The following LANCL1 variants were observed in gnomAD, a reference collection of about 807,000 sequenced individuals.
The protein encoded by LANCL1 is LanC like glutathione S-transferase 1.
Under a neutral mutation model 50.6 loss-of-function variants are expected in LANCL1, and 50 were observed. The ratio of observed to expected loss-of-function variants is 0.99; its 90% confidence interval spans 0.79 to 1.25. LANCL1 has a LOEUF of 1.25. Ranked by LOEUF, LANCL1 falls within the 50% of genes most tolerant of loss-of-function variation. LANCL1 has a pLI of 0.00. For missense variants in LANCL1, 532 were observed against 480.7 expected (o/e 1.11, Z -1.00); for synonymous variants, 188 against 178.6 (o/e 1.05, Z -0.42).
rs1243572490 is a variant in LANCL1 at position 210,471,995 on chromosome 2, C to T, written c.163G>A (p.Asp55Asn). ...QQMERGLKSADPRDGTGYTGW... is the reference protein window; with the variant it reads ...QQMERGLKSANPRDGTGYTGW... The stretch of plus-strand genomic sequence containing the variant: ...GTGTAACCGGTGCCATCCCGAGGGT[C>T]TGCTGATTTCAGGCCTCTCTCCATT... Residue 55 changes from aspartate (D) to asparagine (N), a missense_variant, in exon 3 of 10, where the codon GAC (aspartate) becomes AAC (asparagine). Physicochemically the swap from Asp to Asn is conservative, Grantham distance 23. Transcript: ENST00000450366. 2.5e-6 allele frequency: 4 copies of T among 1,614,024 alleles called. No homozygotes were observed. In the South Asian group the frequency reaches 3.3e-5, roughly 13 times the overall value.
At chr2:210,464,177 C>T (rs1283065744) in intron 3 of LANCL1, among the ~76,000 whole-genome samples, 1 of 152,166 alleles carries the variant, frequency 6.6e-6, no homozygotes, top group Non-Finnish European at 1.5e-5. Flanking sequence ...TATTCTAAAT[C>T]CTAATCTTAT....
At chr2:210,474,352 T>G (rs147054771) in intron 2 of LANCL1, among the ~76,000 whole-genome samples, 274 of 152,240 alleles carry the variant, frequency 1.8e-3, no homozygotes, top group Middle Eastern at 3.4e-3. Flanking sequence ...AAAAACTACG[T>G]TAGGCAATAA....
rs774812072 is a variant in LANCL1 at position 210,433,258 on chromosome 2, CTT to C, written c.*1227_*1228del. 1 of 152,378 alleles carries C rather than the reference CTT, an allele frequency of 6.6e-6. No individual in the cohort carries two copies. Among genetic ancestry groups the C allele is most frequent in the African/African-American group, 2.4e-5 (1 of 41,424 alleles). The allele number at this position is 152,378 out of a possible 1,614,324, so 9.4% of individuals were successfully genotyped here. The stretch of plus-strand genomic sequence containing the variant: ...AACAGAATTTGAAGCACCAGAGAGT[CTT>C]TATCTACTACGGAAAACCTGATTCT... On this transcript the variant is annotated 3_prime_UTR_variant, in exon 10 of 10. Transcript: ENST00000450366.
intron 4 of LANCL1, among the ~76,000 whole-genome samples, chr2:210,452,185 T>A (rs1693530091): frequency 6.6e-6 from 1 of 151,940 alleles, no homozygotes; most frequent in African/African-American, 2.4e-5. Flanking sequence ...TTTTATGTTA[T>A]GTATATTTTA....
chr2:210,474,853 G>T (rs1694313741), intron 2 of LANCL1, among the ~76,000 whole-genome samples: 1 of 152,138 alleles, frequency 6.6e-6, no homozygotes, highest in African/African-American at 2.4e-5. Context: ...ATCCTCAACT[G>T]TTCTCTTTGC....
intron 9 of LANCL1, 72 bp downstream of exon 9, chr2:210,435,315 A>G (rs560298503): frequency 8.1e-7 from 1 of 1,233,898 alleles, no homozygotes; most frequent in East Asian, 2.3e-5. Flanking sequence ...GCTAAAACTT[A>G]AATACATTAA....
At chr2:210,437,616 T>A (rs1692977386) in intron 7 of LANCL1, 74 bp downstream of exon 7, 3 of 857,380 alleles carry the variant, frequency 3.5e-6, no homozygotes, top group South Asian at 6.0e-5. Context: ...CCTTTATGGA[T>A]TAGGATAAAA....
intron 4 of LANCL1, among the ~76,000 whole-genome samples, chr2:210,441,732 T>C (rs892158274): frequency 6.6e-6 from 1 of 152,086 alleles, no homozygotes. Flanking sequence ...AGGTGAGTAT[T>C]TTAGCAGTTG....
At chr2:210,469,468 T>C (rs1031961053) in intron 3 of LANCL1, among the ~76,000 whole-genome samples, 4 of 152,198 alleles carry the variant, frequency 2.6e-5, no homozygotes, top group Admixed American at 2.0e-4. Context: ...TTAGGAGACA[T>C]TAGGAACCTT....
intron 2 of LANCL1, among the ~76,000 whole-genome samples, chr2:210,473,513 T>C (rs1694278932): frequency 6.6e-6 from 1 of 152,190 alleles, no homozygotes; most frequent in Non-Finnish European, 1.5e-5. Flanking sequence ...GGGGGAAAGT[T>C]ACAAGGGTAT....
rs200204444 is a variant in LANCL1, at chr2:210,459,572, C to T, written c.200-4258G>A. Reference sequence around the variant, plus strand: ...ATAGCCACATGTGGCTAGTGGCTGTCGCGATGGAAATAACAACATTTCCAT... The same window carrying T: ...ATAGCCACATGTGGCTAGTGGCTGTTGCGATGGAAATAACAACATTTCCAT... On this transcript the variant is annotated intron_variant, in intron 3 of 9. Transcript: ENST00000450366. Among the ~76,000 whole-genome samples, 36 of 152,110 alleles carry T rather than the reference C, an allele frequency of 2.4e-4. 1 individual carries two copies. The East Asian group carries it at 7.0e-3, about 29-fold the overall frequency.
chr2:210,476,442 G>C, intron 1 of LANCL1, 30 bp from the exon 2 acceptor site: 1 of 1,596,494 alleles, frequency 6.3e-7, no homozygotes, highest in South Asian at 1.1e-5. Context: ...CAGAAACTAG[G>C]TTGAGATAGG....
At chr2:210,448,628 G>A (rs1039654709) in intron 4 of LANCL1, among the ~76,000 whole-genome samples, 4 of 152,150 alleles carry the variant, frequency 2.6e-5, no homozygotes, top group African/African-American at 4.8e-5. Context: ...AAGAAGAAAA[G>A]AGAGAAGAAT....
rs1276148692 is a variant in LANCL1, at chr2:210,441,236, AAAC to A, written c.543+69_543+71del. On this transcript the variant is annotated intron_variant, in intron 5 of 9. Coordinates refer to ENST00000450366, the MANE Select transcript of LANCL1 (RefSeq NM_006055.3). ...TGGAATGTGCTAACTACAGAGACAT[AAAC>A]AATAGTTTAGGCAGATAGTAAGTAA... The A allele has an allele frequency of 8.2e-6, 12 of 1,471,402 alleles. No homozygotes were observed. The African/African-American group carries it at 1.1e-4, about 14-fold the overall frequency. The allele number at this position is 1,471,402 out of a possible 1,614,324, so 91.1% of individuals were successfully genotyped here.
At chr2:210,437,250 T>G (rs1333554874) in intron 7 of LANCL1, among the ~76,000 whole-genome samples, 2 of 152,236 alleles carry the variant, frequency 1.3e-5, no homozygotes, top group Non-Finnish European at 1.5e-5. Flanking sequence ...TTGTAATATG[T>G]ATCAGAAAGT....
chr2:210,475,359 G>A, intron 2 of LANCL1, among the ~76,000 whole-genome samples: 1 of 152,040 alleles, frequency 6.6e-6, no homozygotes. Context: ...TTTAGAGACA[G>A]GGTCTCTGTC....
chr2:210,461,944 G>T (rs993501322), intron 3 of LANCL1, among the ~76,000 whole-genome samples: 1 of 152,172 alleles, frequency 6.6e-6, no homozygotes, highest in African/African-American at 2.4e-5. Context: ...TTGATTAAAT[G>T]TTTATTTCTA....
At chr2:210,455,005 G>T in intron 4 of LANCL1, 102 bp downstream of exon 4, 1 of 930,942 alleles carries the variant, frequency 1.1e-6, no homozygotes, top group Non-Finnish European at 1.6e-6. Flanking sequence ...AGATTTATCT[G>T]CTAAGAGAAA....
chr2:210,471,655 C>T, intron 3 of LANCL1: 1 of 527,022 alleles, frequency 1.9e-6, no homozygotes, highest in South Asian at 1.5e-5. Context: ...ACTGAAATTA[C>T]ATCTGCAAAT....
Sources: allele counts gnomAD v4.1 joint callset (sites outside exome capture counted in the v4.1 genomes callset), GRCh38; gene constraint gnomAD v4.1.1; transcripts MANE v1.5; gene names NCBI Gene and HGNC (gene_info 2026-07-23, HGNC 2026-07-21).